The following COL4A3 variants were observed in gnomAD, a reference collection of about 807,000 sequenced individuals.
The protein encoded by COL4A3 is collagen type IV alpha 3 chain, also known as collagen alpha-3(IV) chain.
In COL4A3, 135 loss-of-function variants were observed where a neutral mutation model predicts 217.4. The ratio of observed to expected loss-of-function variants is 0.62; its 90% confidence interval spans 0.54 to 0.72. The LOEUF (loss-of-function observed/expected upper bound fraction) is 0.72, where lower values mean the gene tolerates loss of function less well. Among genes scored for constraint, COL4A3 ranks in the 30% least tolerant of loss-of-function variants. The pLI is 0.00. For missense variants in COL4A3, 1,868 were observed against 2,119.9 expected, an observed-to-expected ratio of 0.88 and a Z score of 2.33; for synonymous variants, 690 against 736.3, an observed-to-expected ratio of 0.94 and a Z score of 1.02.
chr2:227,200,690 T>A (rs1049340587), intron 1 of COL4A3, among the ~76,000 whole-genome samples: 2 of 152,220 alleles, frequency 1.3e-5, no homozygotes, highest in African/African-American at 2.4e-5. Context: ...TCTAGAAACT[T>A]ATGCACAGAC....
Position 227,298,635 on chromosome 2 carries a change from T to A in COL4A3, c.3752-47T>A, listed in dbSNP as rs1400179685. 3.1e-6 allele frequency: 5 copies of A among 1,611,310 alleles called. No individual in the cohort carries two copies. The East Asian group carries it at 1.1e-4, about 36-fold the overall frequency. On this transcript the variant is annotated intron_variant, in intron 42 of 51. Transcript: ENST00000396578. The stretch of plus-strand genomic sequence containing the variant: ...AAACAATCACTGATAAATAGAACCT[T>A]CCAAGCTCCCTGGCTGGCAATACTG...
Position 227,276,368 on chromosome 2 carries a change from C to T in COL4A3, c.1928-17C>T. 6.3e-7 allele frequency: 1 copy of T among 1,598,178 alleles called. No homozygotes were observed. The highest frequency in any genetic ancestry group is 8.6e-7 in the Non-Finnish European group (1 of 1,165,526). ...TTCAATATATACCCCAATCTTATGA[C>T]CACAAATTTCCTTAAGGCCCTAGGG... On this transcript the variant is annotated splice_polypyrimidine_tract_variant and intron_variant, in intron 26 of 51. Transcript: ENST00000396578.
rs371517234 is a variant in COL4A3 at position 227,261,900 on chromosome 2, G to C, written c.1150+783G>C. Among the ~76,000 whole-genome samples the C allele has an allele frequency of 4.1e-3, 617 of 152,282 alleles. 9 individuals are homozygous for C. The South Asian group carries it at 0.041, about 10-fold the overall frequency. ...CCTTTTGAGAGAGGAAAAAGAGTTGGATCAGGGATGGTCCACAGGGACTCA... is the reference window on the plus strand; with the variant it reads ...CCTTTTGAGAGAGGAAAAAGAGTTGCATCAGGGATGGTCCACAGGGACTCA... On this transcript the variant is annotated intron_variant, in intron 20 of 51. Transcript: ENST00000396578.
At chr2:227,293,459 A>C in intron 38 of COL4A3, 142 bp downstream of exon 38, 2 of 939,026 alleles carry the variant, frequency 2.1e-6, no homozygotes, top group Non-Finnish European at 3.2e-6. Context: ...AAATTCTAAC[A>C]CACTAAGAGA....
At chr2:227,217,654 G>C (rs1159401419) in intron 1 of COL4A3, among the ~76,000 whole-genome samples, 3 of 152,116 alleles carry the variant, frequency 2.0e-5, no homozygotes, top group Non-Finnish European at 4.4e-5. Flanking sequence ...GCCGTAAATT[G>C]CAAAATTATC....
At chr2:227,224,015 C>T (rs2067954852) in intron 1 of COL4A3, among the ~76,000 whole-genome samples, 1 of 152,174 alleles carries the variant, frequency 6.6e-6, no homozygotes, top group Non-Finnish European at 1.5e-5. Context: ...CCAAGCAGGC[C>T]AGACTGCTGG....
At chr2:227,279,759 T>G (rs772149980) in intron 28 of COL4A3, 34 bp from the exon 29 acceptor site, 3 of 1,414,978 alleles carry the variant, frequency 2.1e-6, no homozygotes, top group Non-Finnish European at 2.0e-6. Context: ...ATAAGACTAA[T>G]CCTACAACAA....
intron 50 of COL4A3, among the ~76,000 whole-genome samples, chr2:227,310,352 T>TCCA (rs924183736): frequency 6.6e-6 from 1 of 152,184 alleles, no homozygotes; most frequent in Non-Finnish European, 1.5e-5. Flanking sequence ...CACTGCAATC[T>TCCA]CCACCTCCTG....
At chr2:227,214,621 C>G (rs1236870919) in intron 1 of COL4A3, among the ~76,000 whole-genome samples, 2 of 152,184 alleles carry the variant, frequency 1.3e-5, no homozygotes, top group Non-Finnish European at 2.9e-5. Flanking sequence ...TTCACAGGTC[C>G]TATTGCTATC....
intron 50 of COL4A3, among the ~76,000 whole-genome samples, chr2:227,310,497 G>A (rs1019868509): frequency 2.6e-5 from 4 of 152,142 alleles, no homozygotes; most frequent in African/African-American, 9.7e-5. Context: ...TGTATTTTTA[G>A]TACAGACATG....
chr2:227,193,594 C>T (rs1287796871), intron 1 of COL4A3, among the ~76,000 whole-genome samples: 1 of 148,354 alleles, frequency 6.7e-6, no homozygotes, highest in Non-Finnish European at 1.5e-5. Flanking sequence ...TGCCTGTAAT[C>T]CCAGCTACTT....
intron 6 of COL4A3, chr2:227,246,374 TCTC>T (rs1398028820): frequency 2.0e-6 from 1 of 505,152 alleles, no homozygotes; most frequent in East Asian, 3.7e-5. Flanking sequence ...CGAACTGAGC[TCTC>T]CTTTTCTCCA....
chr2:227,287,057 G>A (rs751789992), intron 34 of COL4A3, among the ~76,000 whole-genome samples: 19 of 152,252 alleles, frequency 1.2e-4, no homozygotes, highest in Non-Finnish European at 2.4e-4. Context: ...TTTAGGCTAG[G>A]TAGTAAGTAT....
chr2:227,289,031 A>C (rs2072516269), intron 34 of COL4A3, 119 bp from the exon 35 acceptor site: 11 of 730,410 alleles, frequency 1.5e-5, no homozygotes. Context: ...GCTCACTTCA[A>C]CCTCTGTCTC....
intron 25 of COL4A3, among the ~76,000 whole-genome samples, chr2:227,272,231 T>G (rs530263606): frequency 6.6e-6 from 1 of 152,324 alleles, no homozygotes; most frequent in African/African-American, 2.4e-5. Flanking sequence ...TGCATCTCAC[T>G]GATTTTTCTT....
chr2:227,251,425 G>T, intron 11 of COL4A3, 54 bp downstream of exon 11: 2 of 1,549,836 alleles, frequency 1.3e-6, no homozygotes, highest in East Asian at 4.5e-5. Flanking sequence ...CAATCTCAAA[G>T]CCAAACCTGG....
chr2:227,201,183 A>G (rs1242407563), intron 1 of COL4A3, among the ~76,000 whole-genome samples: 1 of 152,240 alleles, frequency 6.6e-6, no homozygotes, highest in Non-Finnish European at 1.5e-5. Flanking sequence ...AAAGCTGGAC[A>G]GTATTTACTT....
intron 6 of COL4A3, 84 bp from the exon 7 acceptor site, chr2:227,246,601 G>T: frequency 9.0e-7 from 1 of 1,105,662 alleles, no homozygotes; most frequent in Non-Finnish European, 1.4e-6. Flanking sequence ...CCATTGCAAG[G>T]TTGGAAGCGA....
At position 227,250,337 on chromosome 2, in the gene COL4A3, AT is replaced by A. The variant is rs2069656831; in HGVS notation, c.547-802del. Among the ~76,000 whole-genome samples, 2 of 120,484 alleles carry A rather than the reference AT, an allele frequency of 1.7e-5. No individual in the cohort carries two copies. The highest frequency in any genetic ancestry group is 8.6e-5 in the Admixed American group (1 of 11,622). 79.0% of individuals were successfully genotyped at this position (120,484 alleles called of 152,430 possible). A position where few individuals can be genotyped will look rare whatever the true frequency, so the allele number is the denominator to read the frequency against. On this transcript the variant is annotated intron_variant, in intron 9 of 51. Coordinates refer to ENST00000396578, the MANE Select transcript of COL4A3 (RefSeq NM_000091.5). This position sits in a 1 kb window ranked among gnomAD's most constrained non-coding sequence, Gnocchi z 4.1. ...AAAAAAATAGGTAGATAGATAAAAG[AT>A]GATAGATAGATAGATAGATAGATAG...
Sources: gnomAD v4.1 joint callset for allele counts (sites outside exome capture counted in the v4.1 genomes callset) on GRCh38, gnomAD v4.1.1 for gene constraint, Gnocchi (gnomAD v3.1) non-coding constraint, MANE v1.5 for transcripts, NCBI Gene and HGNC (gene_info 2026-07-23, HGNC 2026-07-21) for gene names.